Variants in ALG12 observed in about 807,000 individuals in gnomAD.
The protein encoded by ALG12 is ALG12 alpha-1,6-mannosyltransferase.
Under a neutral mutation model 46.0 loss-of-function variants are expected in ALG12, and 36 were observed. The ratio of observed to expected loss-of-function variants is 0.78; its 90% CI spans 0.60 to 1.03. The LOEUF (loss-of-function observed/expected upper bound fraction) is 1.03. Ranked by LOEUF, ALG12 falls within the 50% of genes least tolerant of loss-of-function variation. ALG12 has a pLI of 0.00. For synonymous variants in ALG12, 326 were observed against 291.6 expected, an observed-to-expected ratio of 1.12 and a Z score of -1.20; for missense variants, 599 against 633.5, an observed-to-expected ratio of 0.95 and a Z score of 0.58.
chr22:49,916,603 G>A (rs547459314), intron 1 of ALG12, among the ~76,000 whole-genome samples: 1 of 152,126 alleles, frequency 6.6e-6, no homozygotes, highest in African/African-American at 2.4e-5. Context: ...TAGGAAGCAA[G>A]CCGGATGTGT....
At chr22:49,897,084 G>A (rs2060486287), downstream of ALG12, among the ~76,000 whole-genome samples, 2 of 151,518 alleles carry the variant, frequency 1.3e-5, no homozygotes, top group African/African-American at 4.9e-5. Context: ...TCAAATAGTT[G>A]GACTCATACA....
the ALG12 span, among the ~76,000 whole-genome samples, chr22:49,861,225 G>A: frequency 6.6e-6 from 1 of 151,218 alleles, no homozygotes; most frequent in Non-Finnish European, 1.5e-5. Flanking sequence ...ATGAGATGGA[G>A]TCTCGCTCTG....
At chr22:49,866,692 C>T in the ALG12 span, among the ~76,000 whole-genome samples, 1 of 152,162 alleles carries the variant, frequency 6.6e-6, no homozygotes. Flanking sequence ...TGTTTTTCTG[C>T]TCTTTAGTTT....
the ALG12 span, among the ~76,000 whole-genome samples, chr22:49,891,766 T>C: frequency 1.3e-5 from 2 of 152,226 alleles, no homozygotes; most frequent in Non-Finnish European, 2.9e-5. Flanking sequence ...GAGTTTATTT[T>C]GGAGCAAAAG....
the ALG12 span, among the ~76,000 whole-genome samples, chr22:49,875,660 A>G: frequency 6.6e-6 from 1 of 152,126 alleles, no homozygotes; most frequent in African/African-American, 2.4e-5. Context: ...ACCTCAAGTG[A>G]CCTACCTGTC....
At chr22:49,887,283 C>G in the ALG12 span, 4 of 1,202,526 alleles carry the variant, frequency 3.3e-6, no homozygotes, top group African/African-American at 1.5e-5. Context: ...GACATCAGAC[C>G]AGGCACTCTC....
At chr22:49,914,704 G>GC (rs1181774359) in intron 1 of ALG12, among the ~76,000 whole-genome samples, 5 of 152,252 alleles carry the variant, frequency 3.3e-5, no homozygotes, top group African/African-American at 1.2e-4. Context: ...AAGGGAGAGA[G>GC]AACCCCAGGG....
the ALG12 span, chr22:49,886,381 A>G: frequency 6.2e-7 from 1 of 1,610,136 alleles, no homozygotes; most frequent in South Asian, 1.1e-5. This position sits in a 1 kb window ranked among gnomAD's most constrained non-coding sequence, Gnocchi z 7.7. Flanking sequence ...TGAGCAGAAA[A>G]GGGCCATTAA....
rs1455706018 is a variant in ALG12, at chr22:49,910,486, G to A, written c.417C>T (p.His139=). The A allele has an allele frequency of 6.8e-6, 11 of 1,613,792 alleles. No homozygotes were observed. Among genetic ancestry groups the A allele is most frequent in the Non-Finnish European group, 9.3e-6 (11 of 1,180,036 alleles). The change falls in exon 4 of 10, where the codon CAC becomes CAT. Residue 139 remains histidine, a synonymous_variant. Transcript: ENST00000330817. The part of the protein sequence containing the change: ...MFCWVTAMQF[H]LMFYCTRTLP... ...GTGTCCGCGTGCAGTAGAACATCAG[G>A]TGGAACTGCATGGCCGTCACCCAGC...
chr22:49,882,138 C>T, the ALG12 span, among the ~76,000 whole-genome samples: 2 of 152,212 alleles, frequency 1.3e-5, no homozygotes, highest in Admixed American at 6.5e-5. Flanking sequence ...TTCAGCTCCT[C>T]CCTGTGGGGG....
At chr22:49,894,258 T>G in the ALG12 span, among the ~76,000 whole-genome samples, 1 of 152,202 alleles carries the variant, frequency 6.6e-6, no homozygotes, top group Non-Finnish European at 1.5e-5. Flanking sequence ...GACTAATACC[T>G]ACTTTCACTA....
the ALG12 span, among the ~76,000 whole-genome samples, chr22:49,873,117 C>T: frequency 1.3e-5 from 2 of 152,224 alleles, no homozygotes; most frequent in Non-Finnish European, 2.9e-5. Flanking sequence ...AGACATGAGC[C>T]ACTACAGCCA....
Position 49,913,473 on chromosome 22 carries a change from G to A in ALG12, c.207C>T (p.Leu69=), listed in dbSNP as rs765297992. Residue 69 remains leucine, a synonymous_variant, in exon 3 of 10, where the codon CTC becomes CTT. Transcript: ENST00000330817. The part of the protein sequence containing the change: ...EFPGVVPRTF[L]GPVVIAVFSS... ...AGAACACTGCGATCACCACTGGCCCGAGGAACGTCCTGGGGACGACTCCGG... is the reference window on the plus strand; with the variant it reads ...AGAACACTGCGATCACCACTGGCCCAAGGAACGTCCTGGGGACGACTCCGG... 3.0e-5 allele frequency: 49 copies of A among 1,613,892 alleles called. No homozygotes were observed. Among genetic ancestry groups the A allele is most frequent in the Admixed American group, 2.5e-4 (15 of 60,016 alleles).
At chr22:49,912,719 T>C (rs994961020) in intron 3 of ALG12, among the ~76,000 whole-genome samples, 2 of 152,190 alleles carry the variant, frequency 1.3e-5, no homozygotes, top group Admixed American at 1.3e-4. Context: ...TCAGGTTGTG[T>C]GACTGGGCGT....
At chr22:49,891,790 A>G in the ALG12 span, among the ~76,000 whole-genome samples, 1 of 152,202 alleles carries the variant, frequency 6.6e-6, no homozygotes, top group Non-Finnish European at 1.5e-5. Context: ...TTTGAAATGC[A>G]TGCATAGTTT....
At chr22:49,894,798 C>T in the ALG12 span, among the ~76,000 whole-genome samples, 2 of 152,262 alleles carry the variant, frequency 1.3e-5, no homozygotes, top group Non-Finnish European at 2.9e-5. Context: ...CAGTGACCAT[C>T]CTGCCGGACG....
chr22:49,876,190 T>C, the ALG12 span, among the ~76,000 whole-genome samples: 5 of 152,270 alleles, frequency 3.3e-5, no homozygotes, highest in South Asian at 8.3e-4. Flanking sequence ...TTTGCTTTAT[T>C]GTCCAGAGAA....
At chr22:49,893,223 G>GGA in the ALG12 span, among the ~76,000 whole-genome samples, 1 of 152,178 alleles carries the variant, frequency 6.6e-6, no homozygotes. Context: ...TCCCAGAAGA[G>GGA]GAGAGAGAAG....
intron 3 of ALG12, among the ~76,000 whole-genome samples, chr22:49,912,122 T>G (rs2060581828): frequency 7.9e-6 from 1 of 126,008 alleles, no homozygotes; most frequent in South Asian, 2.8e-4. Context: ...GGGATCAGCC[T>G]GGCCCCAGGA....
Sources: allele counts gnomAD v4.1 joint callset (sites outside exome capture counted in the v4.1 genomes callset), GRCh38; gene constraint gnomAD v4.1.1; non-coding constraint Gnocchi (gnomAD v3.1); transcripts MANE v1.5; gene names NCBI Gene and HGNC (gene_info 2026-07-23, HGNC 2026-07-21).